MAP3K5: variants seen among roughly 807,000 people sequenced by gnomAD.
The protein encoded by MAP3K5 is ASK-1.
In MAP3K5, 56 loss-of-function variants were observed where a neutral mutation model predicts 158.7. That is an observed-to-expected ratio of 0.35 (90% CI 0.28 to 0.44). The LOEUF (loss-of-function observed/expected upper bound fraction) is 0.44. Among genes scored for constraint, MAP3K5 ranks in the 20% least tolerant of loss-of-function variants. The pLI is 1.00. For missense variants in MAP3K5, 1,294 were observed against 1,674.8 expected, an observed-to-expected ratio of 0.77 and a Z score of 3.97; for synonymous variants, 579 against 601.7, an observed-to-expected ratio of 0.96 and a Z score of 0.55.
intron 1 of MAP3K5, among the ~76,000 whole-genome samples, chr6:136,784,786 T>C (rs1377519025): frequency 3.3e-5 from 5 of 152,204 alleles, no homozygotes; most frequent in African/African-American, 1.2e-4. Context: ...TATGTGAAGA[T>C]CTGCCCTTCA....
At position 136,583,556 on chromosome 6, in the gene MAP3K5, G is replaced by T; in HGVS notation, c.3410C>A (p.Ala1137Asp). The change falls in exon 24 of 30, where the codon GCT becomes GAT. Residue 1137 changes from alanine to aspartate, a missense_variant and splice_region_variant. Physicochemically the swap from Ala to Asp is moderately radical, Grantham distance 126. Coordinates refer to ENST00000359015, the MANE Select transcript of MAP3K5 (RefSeq NM_005923.4). The stretch of plus-strand genomic sequence containing the variant: ...ACACTGGCAAAATATCATACTTACA[G>T]CATCTTGAAAACCAAAGAGTACCAC... ...VQVVLFGFQDAVNKVLRNHNI... is the reference protein window; with the variant it reads ...VQVVLFGFQDDVNKVLRNHNI... The T allele has an allele frequency of 6.2e-7, 1 of 1,611,628 alleles. No individual in the cohort carries two copies. The highest frequency in any genetic ancestry group is 8.5e-7 in the Non-Finnish European group (1 of 1,178,858).
Position 136,659,070 on chromosome 6 carries a change from C to T in MAP3K5, c.1526+149G>A, listed in dbSNP as rs545532253. The T allele has an allele frequency of 2.3e-5, 17 of 745,408 alleles. 1 individual carries two copies. The highest frequency in any genetic ancestry group is 1.4e-4 in the South Asian group (7 of 50,104). 46.2% of individuals were successfully genotyped at this position (745,408 alleles called of 1,614,324 possible). The stretch of plus-strand genomic sequence containing the variant: ...AAGTCATCAGAATTGATGTGTAACA[C>T]GTTTTATGAATATCACAATTTTCCT... On this transcript the variant is annotated intron_variant, in intron 9 of 29. Transcript: ENST00000359015.
At chr6:136,597,353 G>A (rs550127775) in intron 21 of MAP3K5, among the ~76,000 whole-genome samples, 4 of 152,178 alleles carry the variant, frequency 2.6e-5, no homozygotes, top group Admixed American at 6.5e-5. Context: ...TTGGGAAAAC[G>A]GGGATTTTCT....
intron 7 of MAP3K5, among the ~76,000 whole-genome samples, chr6:136,670,441 A>G (rs1173392088): frequency 6.6e-6 from 1 of 152,076 alleles, no homozygotes; most frequent in African/African-American, 2.4e-5. Flanking sequence ...TGAAGAAAAT[A>G]TAAGAACTAA....
At chr6:136,655,277 C>T (rs563119404) in intron 10 of MAP3K5, among the ~76,000 whole-genome samples, 2 of 152,326 alleles carry the variant, frequency 1.3e-5, no homozygotes, top group African/African-American at 2.4e-5. Flanking sequence ...GCACCAGCTA[C>T]AGGCAAGCTG....
chr6:136,751,234 CAT>C (rs1783195788), intron 1 of MAP3K5, among the ~76,000 whole-genome samples: 1 of 151,606 alleles, frequency 6.6e-6, no homozygotes, highest in East Asian at 1.9e-4. Flanking sequence ...CCTTCCCACA[CAT>C]GTTAAGTGTT....
intron 3 of MAP3K5, among the ~76,000 whole-genome samples, chr6:136,699,657 A>C (rs1479413997): frequency 6.6e-6 from 1 of 152,184 alleles, no homozygotes; most frequent in Non-Finnish European, 1.5e-5. Flanking sequence ...GCAGGGATGA[A>C]AGTGGAAAGT....
intron 8 of MAP3K5, among the ~76,000 whole-genome samples, chr6:136,663,088 G>C (rs1779075780): frequency 6.6e-6 from 1 of 152,150 alleles, no homozygotes; most frequent in Admixed American, 6.6e-5. Context: ...TGTGTGTACT[G>C]AAAATGTTAA....
rs531385109 is a variant in MAP3K5 at position 136,624,916 on chromosome 6, T to C, written c.2017-1935A>G. On this transcript the variant is annotated intron_variant, in intron 14 of 29. Coordinates refer to ENST00000359015, the MANE Select transcript of MAP3K5 (RefSeq NM_005923.4). ...AGAGGCTCTGGATTTGGCAAGATGG[T>C]AGACCAGATACCTGAGAACCTTCCT... Among the ~76,000 whole-genome samples, 4 of 152,328 alleles carry C rather than the reference T, an allele frequency of 2.6e-5. No individual in the cohort carries two copies. The South Asian group carries it at 8.3e-4, about 32-fold the overall frequency.
At chr6:136,723,165 T>C (rs1429420039) in intron 1 of MAP3K5, among the ~76,000 whole-genome samples, 1 of 151,888 alleles carries the variant, frequency 6.6e-6, no homozygotes, top group Non-Finnish European at 1.5e-5. Flanking sequence ...TACCTATCAG[T>C]AAGAAAATGT....
intron 1 of MAP3K5, among the ~76,000 whole-genome samples, chr6:136,772,184 T>G (rs1162148990): frequency 6.6e-6 from 1 of 150,540 alleles, no homozygotes; most frequent in Non-Finnish European, 1.5e-5. Flanking sequence ...CCCAAAGTCC[T>G]GGGATTACAG....
intron 1 of MAP3K5, among the ~76,000 whole-genome samples, chr6:136,767,981 T>C (rs926169766): frequency 6.6e-6 from 1 of 152,212 alleles, no homozygotes; most frequent in African/African-American, 2.4e-5. Flanking sequence ...CAACAAATGA[T>C]GCTGGGACAA....
intron 3 of MAP3K5, among the ~76,000 whole-genome samples, chr6:136,702,281 C>T (rs1258079656): frequency 6.6e-6 from 1 of 152,034 alleles, no homozygotes; most frequent in African/African-American, 2.4e-5. Flanking sequence ...AGAGACAGCC[C>T]AGTGAGTATG....
chr6:136,694,288 C>T lies in MAP3K5; in HGVS notation c.1105G>A (p.Ala369Thr). The T allele has an allele frequency of 6.2e-7, 1 of 1,611,970 alleles. No homozygotes were observed. The highest frequency in any genetic ancestry group is 8.5e-7 in the Non-Finnish European group (1 of 1,179,824). ...GGAATCATAATATCAAGAGCTTTTG[C>T]TCTGTCACCAGGGAGATTTCTCCTA... ...LNRRNLPGDR[A>T]KALDIMIPMV... Residue 369 changes from alanine (A) to threonine (T), a missense_variant, in exon 7 of 30, where the codon GCA becomes ACA. By Grantham distance (58) the Ala-to-Thr change is moderately conservative. Coordinates refer to ENST00000359015, the MANE Select transcript of MAP3K5 (RefSeq NM_005923.4).
intron 18 of MAP3K5, among the ~76,000 whole-genome samples, chr6:136,606,439 T>C (rs971814081): frequency 2.6e-5 from 4 of 152,122 alleles, no homozygotes; most frequent in East Asian, 3.9e-4. Flanking sequence ...TGTGGTATAA[T>C]AGAAAGAATT....
chr6:136,567,751 A>T lies in MAP3K5; in HGVS notation c.3641T>A (p.Ile1214Asn), dbSNP rs56379668. 15 of 1,614,004 alleles carry T rather than the reference A, an allele frequency of 9.3e-6. No homozygotes were observed. Among genetic ancestry groups the T allele is most frequent in the Non-Finnish European group, 1.3e-5 (15 of 1,180,032 alleles). ...NQTVRRPQAV[I>N]EDAVATSGVS... ...GCCTGAGGTAGCCACAGCATCTTCA[A>T]TGACAGCCTGAGGTCTTCGGACAGT... The change falls in exon 26 of 30, where the codon ATT becomes AAT. Residue 1214 changes from isoleucine to asparagine, a missense_variant. This residue lies in a region of MAP3K5 where 199 missense variants were observed against 220.3 expected (regional missense o/e 0.90). Coordinates refer to ENST00000359015, the MANE Select transcript of MAP3K5 (RefSeq NM_005923.4).
At chr6:136,596,887 G>A (rs1329547128) in intron 21 of MAP3K5, among the ~76,000 whole-genome samples, 1 of 152,174 alleles carries the variant, frequency 6.6e-6, no homozygotes, top group Non-Finnish European at 1.5e-5. Flanking sequence ...CTATTTCCAG[G>A]GGAGCACGGT....
intron 15 of MAP3K5, among the ~76,000 whole-genome samples, 189 bp downstream of exon 15, chr6:136,622,659 C>T (rs1482652416): frequency 3.3e-5 from 5 of 152,216 alleles, no homozygotes; most frequent in Admixed American, 2.0e-4. Flanking sequence ...TCTTTGAAAG[C>T]CCCGTTCTTC....
chr6:136,572,639 T>A (rs914164715), intron 25 of MAP3K5, among the ~76,000 whole-genome samples: 5 of 152,228 alleles, frequency 3.3e-5, no homozygotes, highest in Non-Finnish European at 5.9e-5. Flanking sequence ...TATTTAAATA[T>A]CCTCTTAATT....
Sources: gnomAD v4.1 joint callset for allele counts (sites outside exome capture counted in the v4.1 genomes callset) on GRCh38, gnomAD v4.1.1 for gene constraint, gnomAD v4.1.1 regional missense constraint, MANE v1.5 for transcripts, NCBI Gene and HGNC (gene_info 2026-07-23, HGNC 2026-07-21) for gene names.